The following MAP4K2 variants were observed in gnomAD, a reference collection of about 807,000 sequenced individuals.
MAP4K2 encodes the protein B lymphocyte serine/threonine protein kinase.
In MAP4K2, 85 loss-of-function variants were observed where a neutral mutation model predicts 125.3. That is an observed-to-expected ratio of 0.68 (90% CI 0.57 to 0.81). The LOEUF is 0.81. Among genes scored for constraint, MAP4K2 ranks in the 40% least tolerant of loss-of-function variants. The probability of loss-of-function intolerance (pLI) is 0.00; values close to 1 mark genes in which losing one functional copy is unlikely to be tolerated. For synonymous variants in MAP4K2, 479 were observed against 445.1 expected (o/e 1.08, Z -0.96); for missense variants, 923 against 1,056.4 (o/e 0.87, Z 1.75).
intron 24 of MAP4K2, among the ~76,000 whole-genome samples, chr11:64,794,417 T>C (rs610772): frequency 6.6e-6 from 1 of 151,904 alleles, no homozygotes; most frequent in African/African-American, 2.4e-5. Context: ...TGGAGTGCAA[T>C]GGTGCGATCT....
chr11:64,796,874 T>C lies in MAP4K2; in HGVS notation c.1427A>G (p.Lys476Arg), dbSNP rs770291705. Residue 476 changes from lysine to arginine, a missense_variant, in exon 21 of 32, where the codon AAG becomes AGG. Coordinates refer to ENST00000294066, the MANE Select transcript of MAP4K2 (RefSeq NM_004579.5). The stretch of plus-strand genomic sequence containing the variant: ...CCGCAGGGGGCAGCCATTGAAGACC[T>C]TGGAGAAGCAGGCGCCCATCTGCAG... ...PKVHMGACFSKVFNGCPLRIH... is the reference protein window; with the variant it reads ...PKVHMGACFSRVFNGCPLRIH... The C allele has an allele frequency of 1.2e-6, 2 of 1,613,880 alleles. No homozygotes were observed. The highest frequency in any genetic ancestry group is 2.2e-5 in the East Asian group (1 of 44,872).
chr11:64,796,182 G>T, intron 24 of MAP4K2, 91 bp downstream of exon 24: 1 of 1,186,090 alleles, frequency 8.4e-7, no homozygotes, highest in Non-Finnish European at 1.2e-6. Flanking sequence ...ACACGTCTAA[G>T]ATTGCTGCAA....
At chr11:64,789,653 C>A (rs374475841) in intron 31 of MAP4K2, 29 bp from the exon 32 acceptor site, 2 of 1,611,858 alleles carry the variant, frequency 1.2e-6, no homozygotes, top group Non-Finnish European at 1.7e-6. Flanking sequence ...GGGGGCAGGG[C>A]GGGAGACACT....
In MAP4K2 at chr11:64,789,178, A is replaced by G. The variant is rs1441452623; in HGVS notation, c.*359T>C. On this transcript the variant is annotated 3_prime_UTR_variant, in exon 32 of 32. Coordinates refer to ENST00000294066, the MANE Select transcript of MAP4K2 (RefSeq NM_004579.5). ...TAATACCAATATAGTTCTCTCTTAA[A>G]TACCGTGTTTCCCAGGACAAATGCA... 14 of 338,646 alleles carry G rather than the reference A, an allele frequency of 4.1e-5. No homozygotes were observed. The highest frequency in any genetic ancestry group is 3.0e-4 in the Admixed American group (7 of 22,980). The allele number at this position is 338,646 out of a possible 1,614,324, so 21.0% of individuals were successfully genotyped here. A position where few individuals can be genotyped will look rare whatever the true frequency, so the allele number is the denominator to read the frequency against.
rs753848680 is a variant in MAP4K2, at chr11:64,797,197, A to C, written c.1277-5T>G. 6 of 1,613,050 alleles carry C rather than the reference A, an allele frequency of 3.7e-6. No homozygotes were observed. The Admixed American group carries it at 1.0e-4, about 27-fold the overall frequency. On this transcript the variant is annotated splice_polypyrimidine_tract_variant and splice_region_variant and intron_variant, in intron 18 of 31. Transcript: ENST00000294066. ...AAGGAGGTGGGGGCAGGGTTCCTGCAGGCACAGGCGTGCTGTAATTTCCTG... is the reference window on the plus strand; with the variant it reads ...AAGGAGGTGGGGGCAGGGTTCCTGCCGGCACAGGCGTGCTGTAATTTCCTG...
chr11:64,800,227 G>A lies in MAP4K2; in HGVS notation c.808-11C>T, dbSNP rs769812026. On this transcript the variant is annotated splice_polypyrimidine_tract_variant and intron_variant, in intron 11 of 31. Coordinates refer to ENST00000294066, the MANE Select transcript of MAP4K2 (RefSeq NM_004579.5). ...AGTCGTGAACGGGTGCTGGAAAGTGGGGGAGGGGGGTGATCAGGTTGGCCC... is the reference window on the plus strand; with the variant it reads ...AGTCGTGAACGGGTGCTGGAAAGTGAGGGAGGGGGGTGATCAGGTTGGCCC... The A allele has an allele frequency of 5.0e-6, 8 of 1,612,422 alleles. No homozygotes were observed. The African/African-American group carries it at 1.1e-4, about 22-fold the overall frequency.
In MAP4K2 at chr11:64,801,100, C is replaced by A; in HGVS notation, c.530+11G>T. On this transcript the variant is annotated intron_variant, in intron 8 of 31. Transcript: ENST00000294066. ...GTGGCCCCTACCCCTCCGCCCCAGG[C>A]GCAGCCTCACCAGTAGGGAGTCCCA... 1 of 1,613,590 alleles carries A rather than the reference C, an allele frequency of 6.2e-7. No homozygotes were observed. Among genetic ancestry groups the A allele is most frequent in the Non-Finnish European group, 8.5e-7 (1 of 1,179,988 alleles).
chr11:64,799,494 G>A lies in MAP4K2; in HGVS notation c.995-15C>T, dbSNP rs1193000744. 1 of 1,612,292 alleles carries A rather than the reference G, an allele frequency of 6.2e-7. No individual in the cohort carries two copies. Among genetic ancestry groups the A allele is most frequent in the East Asian group, 2.2e-5 (1 of 44,866 alleles). ...CACCTGGTGAACTGGGGGGCCCAGAGTACAAGAGTGAAGGAGCTGGAGTCT... is the reference window on the plus strand; with the variant it reads ...CACCTGGTGAACTGGGGGGCCCAGAATACAAGAGTGAAGGAGCTGGAGTCT... On this transcript the variant is annotated splice_polypyrimidine_tract_variant and intron_variant, in intron 13 of 31. Coordinates refer to ENST00000294066, the MANE Select transcript of MAP4K2 (RefSeq NM_004579.5).
Position 64,797,092 on chromosome 11 carries a change from G to A in MAP4K2, c.1365+12C>T, listed in dbSNP as rs368719876. On this transcript the variant is annotated intron_variant, in intron 19 of 31. Transcript: ENST00000294066. ...CCGCCCGTCTCCCCACCCCACTGTA[G>A]CACCCTCTTACCTCAGGATCCTCCC... The A allele has an allele frequency of 6.2e-7, 1 of 1,614,144 alleles. No individual in the cohort carries two copies. Among genetic ancestry groups the A allele is most frequent in the South Asian group, 1.1e-5 (1 of 91,080 alleles).
At position 64,790,379 on chromosome 11, in the gene MAP4K2, C is replaced by T; in HGVS notation, c.2161+15G>A. The T allele has an allele frequency of 6.2e-7, 1 of 1,614,052 alleles. No homozygotes were observed. The highest frequency in any genetic ancestry group is 2.2e-5 in the East Asian group (1 of 44,882). On this transcript the variant is annotated intron_variant, in intron 28 of 31. Coordinates refer to ENST00000294066, the MANE Select transcript of MAP4K2 (RefSeq NM_004579.5). Reference sequence around the variant, plus strand: ...CATAGTCCCCTGCCCTAAGCCCTGCCCCCAGGGCACTCACGTTCAAAGCTG... The same window carrying T: ...CATAGTCCCCTGCCCTAAGCCCTGCTCCCAGGGCACTCACGTTCAAAGCTG...
In MAP4K2 at chr11:64,800,331, T is replaced by G; in HGVS notation, c.787A>C (p.Thr263Pro). The G allele has an allele frequency of 6.2e-7, 1 of 1,614,128 alleles. No individual in the cohort carries two copies. The highest frequency in any genetic ancestry group is 8.5e-7 in the Non-Finnish European group (1 of 1,180,026). Residue 263 changes from threonine to proline, a missense_variant, in exon 11 of 32, where the codon ACA becomes CCA. Around this residue, in one of 2 missense-constraint regions of MAP4K2, gnomAD observed 833 missense variants for 911.4 expected, o/e 0.91. Transcript: ENST00000294066. ...CCCACCTGCAGGAGCTTCTCTGCTG[T>G]CGGCCTCTTCTTAGGATTCTTGGTC... ...ALTKNPKKRP[T>P]AEKLLQHPFT...
At chr11:64,802,267 C>T in intron 4 of MAP4K2, 146 bp from the exon 5 acceptor site, 2 of 1,078,368 alleles carry the variant, frequency 1.9e-6, no homozygotes, top group South Asian at 2.9e-5. Flanking sequence ...GGATACTGAA[C>T]CCAGAGATGG....
At chr11:64,802,002 A>C in intron 5 of MAP4K2, 64 bp downstream of exon 5, 1 of 1,525,010 alleles carries the variant, frequency 6.6e-7, no homozygotes, top group Non-Finnish European at 8.9e-7. Context: ...CCTGCTGGTC[A>C]TCTGGGCTCC....
At chr11:64,801,830 T>G (rs1241399813) in intron 5 of MAP4K2, 73 bp from the exon 6 acceptor site, 2 of 1,536,484 alleles carry the variant, frequency 1.3e-6, no homozygotes, top group African/African-American at 2.7e-5. Flanking sequence ...CTCTCAGGAC[T>G]GGGGCCCCCC....
intron 27 of MAP4K2, among the ~76,000 whole-genome samples, chr11:64,791,109 C>G (rs1419613580): frequency 6.6e-6 from 1 of 152,196 alleles, no homozygotes. Flanking sequence ...GCACTCCAGC[C>G]TGGGCAACAG....
chr11:64,797,211 T>C lies in MAP4K2; in HGVS notation c.1277-19A>G, dbSNP rs1416280236. On this transcript the variant is annotated intron_variant, in intron 18 of 31. Coordinates refer to ENST00000294066, the MANE Select transcript of MAP4K2 (RefSeq NM_004579.5). Reference sequence around the variant, plus strand: ...AGGGTTCCTGCAGGCACAGGCGTGCTGTAATTTCCTGCTGTAGCCCCCACC... The same window carrying C: ...AGGGTTCCTGCAGGCACAGGCGTGCCGTAATTTCCTGCTGTAGCCCCCACC... 1 of 1,611,202 alleles carries C rather than the reference T, an allele frequency of 6.2e-7. No homozygotes were observed. The highest frequency in any genetic ancestry group is 1.7e-5 in the Admixed American group (1 of 59,648).
intron 11 of MAP4K2, 31 bp downstream of exon 11, chr11:64,800,280 T>C (rs1166207045): frequency 1.2e-6 from 2 of 1,612,550 alleles, no homozygotes; most frequent in African/African-American, 2.7e-5. Context: ...TTTTGAGTAC[T>C]GGGCCTCTCT....
intron 24 of MAP4K2, 112 bp from the exon 25 acceptor site, chr11:64,792,534 G>C: frequency 2.4e-6 from 2 of 829,884 alleles, no homozygotes; most frequent in Non-Finnish European, 3.9e-6. Context: ...GTAAGGGACT[G>C]AGACTCAGAG....
In MAP4K2 at chr11:64,802,975, G is replaced by T; in HGVS notation, c.97-33C>A. On this transcript the variant is annotated intron_variant, in intron 1 of 31. Coordinates refer to ENST00000294066, the MANE Select transcript of MAP4K2 (RefSeq NM_004579.5). ...GGCGGAGGGTGAAGCGGGATGGGGG[G>T]CGGGGCCGGGGGCTAGATCCTGCCG... is the stretch of plus-strand genomic sequence containing the variant. 3.2e-6 allele frequency: 5 copies of T among 1,556,766 alleles called. No individual in the cohort carries two copies. The South Asian group carries it at 5.8e-5, about 18-fold the overall frequency.
Sources: gnomAD v4.1 joint callset for allele counts (sites outside exome capture counted in the v4.1 genomes callset) on GRCh38, gnomAD v4.1.1 for gene constraint, gnomAD v4.1.1 regional missense constraint, MANE v1.5 for transcripts, NCBI Gene and HGNC (gene_info 2026-07-23, HGNC 2026-07-21) for gene names.